The following TMEM266 variants were observed in gnomAD, a reference collection of about 807,000 sequenced individuals.
TMEM266 encodes transmembrane protein 266.
TMEM266 carries 33 observed loss-of-function variants against 50.5 expected under a neutral mutation model. The observed-to-expected ratio is 0.65, with a 90% confidence interval of 0.50 to 0.87. The LOEUF (loss-of-function observed/expected upper bound fraction) is 0.87. TMEM266 is among the 40% of genes least tolerant of loss of function. TMEM266 has a pLI of 0.00. For synonymous variants in TMEM266, 310 were observed against 292.3 expected (o/e 1.06, Z -0.62); for missense variants, 655 against 695.1 (o/e 0.94, Z 0.65).
chr15:76,183,002 C>A (rs902054734), intron 8 of TMEM266, among the ~76,000 whole-genome samples: 1 of 150,976 alleles, frequency 6.6e-6, no homozygotes, highest in Non-Finnish European at 1.5e-5. Flanking sequence ...GTACATTTGT[C>A]ACTCTCATCA....
intron 5 of TMEM266, among the ~76,000 whole-genome samples, chr15:76,163,551 A>T (rs1267179338): frequency 6.6e-6 from 1 of 152,026 alleles, no homozygotes; most frequent in Non-Finnish European, 1.5e-5. Flanking sequence ...TGCAATCCAG[A>T]TGGAGAATTG....
intron 7 of TMEM266, 126 bp downstream of exon 7, chr15:76,171,257 C>A: frequency 7.5e-7 from 1 of 1,340,600 alleles, no homozygotes; most frequent in Non-Finnish European, 1.0e-6. Context: ...AAACTGTCGG[C>A]AGGGAGAGGG....
At chr15:76,067,724 G>T (rs1276684784) in intron 1 of TMEM266, among the ~76,000 whole-genome samples, 1 of 146,678 alleles carries the variant, frequency 6.8e-6, no homozygotes, top group African/African-American at 2.5e-5. Flanking sequence ...AGAGCTTAAA[G>T]TATGCAATAA....
chr15:76,145,168 G>C (rs933137222), intron 3 of TMEM266, among the ~76,000 whole-genome samples: 34 of 152,124 alleles, frequency 2.2e-4, no homozygotes, highest in African/African-American at 7.2e-4. Flanking sequence ...CCGCAGTGTC[G>C]GCTTCATCCT....
intron 1 of TMEM266, among the ~76,000 whole-genome samples, chr15:76,076,941 G>GT (rs913167444): frequency 5.9e-5 from 9 of 151,758 alleles, no homozygotes; most frequent in East Asian, 1.9e-4. Context: ...CTGAATAACC[G>GT]TTTTTTTGTT....
At chr15:76,087,087 G>T (rs2036788443) in intron 1 of TMEM266, among the ~76,000 whole-genome samples, 3 of 152,112 alleles carry the variant, frequency 2.0e-5, no homozygotes, top group Admixed American at 2.0e-4. Context: ...CATCTTGATT[G>T]GGTTGGTGGT....
At chr15:76,075,343 A>T (rs2036590087) in intron 1 of TMEM266, among the ~76,000 whole-genome samples, 1 of 152,120 alleles carries the variant, frequency 6.6e-6, no homozygotes, top group African/African-American at 2.4e-5. Flanking sequence ...GAAATTGAGA[A>T]AGAACATTCA....
chr15:76,086,351 A>G (rs1251505408), intron 1 of TMEM266, among the ~76,000 whole-genome samples: 1 of 152,232 alleles, frequency 6.6e-6, no homozygotes, highest in African/African-American at 2.4e-5. Flanking sequence ...TCAGGACAGC[A>G]GTTGCCTCTG....
chr15:76,144,428 T>C (rs942166668), intron 3 of TMEM266, among the ~76,000 whole-genome samples: 2 of 152,136 alleles, frequency 1.3e-5, no homozygotes, highest in African/African-American at 4.8e-5. Flanking sequence ...CCAGTGCCCA[T>C]GAAGCTACTG....
chr15:76,126,374 C>CATATATATATATATAT (rs61446223), intron 1 of TMEM266, among the ~76,000 whole-genome samples: 53 of 137,804 alleles, frequency 3.8e-4, no homozygotes, highest in African/African-American at 1.2e-3. Context: ...CACCCACAGA[C>CATATATATATATATAT]ATATATATAT....
intron 5 of TMEM266, among the ~76,000 whole-genome samples, chr15:76,163,714 G>T (rs1567172628): frequency 6.6e-6 from 1 of 152,116 alleles, no homozygotes; most frequent in African/African-American, 2.4e-5. Flanking sequence ...GCAGGGCCCA[G>T]TGCAGGCTGT....
intron 1 of TMEM266, among the ~76,000 whole-genome samples, chr15:76,110,551 GAGCAGACACAA>G (rs2037155936): frequency 6.6e-6 from 1 of 152,152 alleles, no homozygotes; most frequent in South Asian, 2.1e-4. Context: ...GTTCTGTTCA[GAGCAGACACAA>G]AGCCAAGTCA....
chr15:76,185,608 G>T (rs1301507930), intron 8 of TMEM266, among the ~76,000 whole-genome samples: 1 of 152,162 alleles, frequency 6.6e-6, no homozygotes, highest in South Asian at 2.1e-4. Flanking sequence ...ACCCAGGTCA[G>T]CTTCTATTAA....
At chr15:76,070,123 G>A (rs1023829036) in intron 1 of TMEM266, among the ~76,000 whole-genome samples, 2 of 152,142 alleles carry the variant, frequency 1.3e-5, no homozygotes, top group African/African-American at 4.8e-5. Flanking sequence ...TATTTTCCTT[G>A]TGTAATAAGT....
At chr15:76,172,534 C>T (rs1340720544) in intron 7 of TMEM266, among the ~76,000 whole-genome samples, 9 of 152,318 alleles carry the variant, frequency 5.9e-5, no homozygotes, top group Admixed American at 5.2e-4. Flanking sequence ...TTCCACCCTG[C>T]GAACACTGTG....
In TMEM266 at chr15:76,171,096, T is replaced by C. The variant is rs2038181007; in HGVS notation, c.617T>C (p.Met206Thr). ...TGGGACGCCATCAGCCTCATCATCATGCTCCGGATCTGGAGGGTGAAGAGG... is the reference window on the plus strand; with the variant it reads ...TGGGACGCCATCAGCCTCATCATCACGCTCCGGATCTGGAGGGTGAAGAGG... Residue 206 changes from methionine to threonine, a missense_variant, in exon 7 of 11, where the codon ATG (methionine) becomes ACG (threonine). Physicochemically the swap from Met to Thr is moderately conservative, Grantham distance 81. This residue lies in a region of TMEM266 where 101 missense variants were observed against 182.6 expected (regional missense o/e 0.55). Coordinates refer to ENST00000388942, the MANE Select transcript of TMEM266 (RefSeq NM_152335.3). 1.2e-6 allele frequency: 2 copies of C among 1,613,610 alleles called. No homozygotes were observed. The highest frequency in any genetic ancestry group is 1.6e-4 in the Middle Eastern group (1 of 6,084).
chr15:76,155,134 A>G (rs1426528255), intron 3 of TMEM266, among the ~76,000 whole-genome samples: 1 of 152,228 alleles, frequency 6.6e-6, no homozygotes, highest in Non-Finnish European at 1.5e-5. Flanking sequence ...GGCGGAGGCC[A>G]CAGTGGTGAG....
intron 1 of TMEM266, among the ~76,000 whole-genome samples, chr15:76,094,491 C>T (rs1053860894): frequency 6.6e-6 from 1 of 151,996 alleles, no homozygotes; most frequent in African/African-American, 2.4e-5. Context: ...GTTTTGGTGC[C>T]AGTACCATGC....
chr15:76,191,647 C>T (rs977168915), intron 8 of TMEM266: 26 of 280,624 alleles, frequency 9.3e-5, no homozygotes, highest in Admixed American at 3.2e-4. Flanking sequence ...AATTTGCACC[C>T]AGGGCTCCTG....
Sources: allele counts gnomAD v4.1 joint callset (sites outside exome capture counted in the v4.1 genomes callset), GRCh38; gene constraint gnomAD v4.1.1; regional missense constraint gnomAD v4.1.1; transcripts MANE v1.5; gene names NCBI Gene and HGNC (gene_info 2026-07-23, HGNC 2026-07-21).